Variants in TPTE2 observed in about 807,000 individuals in gnomAD.
The protein encoded by TPTE2 is transmembrane phosphoinositide 3-phosphatase and tensin homolog 2.
In TPTE2, 53 loss-of-function variants were observed where a neutral mutation model predicts 78.6. That is an observed-to-expected ratio of 0.67 (90% CI 0.54 to 0.85). The LOEUF is 0.85. Ranked by LOEUF, TPTE2 falls within the 40% of genes least tolerant of loss-of-function variation. The pLI is 0.00. For synonymous variants in TPTE2, 175 were observed against 206.2 expected, an observed-to-expected ratio of 0.85 and a Z score of 1.30; for missense variants, 461 against 623.0, an observed-to-expected ratio of 0.74 and a Z score of 2.77.
chr13:19,479,390 T>C (rs542673687), intron 4 of TPTE2, among the ~76,000 whole-genome samples: 6 of 152,196 alleles, frequency 3.9e-5, no homozygotes, highest in African/African-American at 1.4e-4. Context: ...CATTTAAATA[T>C]AAACATTGAT....
chr13:19,471,907 C>T (rs1188598597), intron 6 of TPTE2, among the ~76,000 whole-genome samples: 1 of 152,136 alleles, frequency 6.6e-6, no homozygotes, highest in African/African-American at 2.4e-5. Flanking sequence ...GTCTTTATTT[C>T]CCCTTCACTT....
At chr13:19,549,928 T>C in the TPTE2 span, among the ~76,000 whole-genome samples, 16,170 of 61,438 alleles carry the variant, frequency 0.26, 3,651 homozygotes, top group East Asian at 0.7. Context: ...GCATTCCTCA[T>C]TTATAAGTGG....
chr13:19,547,141 G>A, the TPTE2 span, among the ~76,000 whole-genome samples: 1 of 151,914 alleles, frequency 6.6e-6, no homozygotes, highest in East Asian at 1.9e-4. Context: ...GGAAAATATG[G>A]CAAAAGCATT....
At chr13:19,440,501 G>A (rs375676457) in intron 13 of TPTE2, among the ~76,000 whole-genome samples, 264 of 152,304 alleles carry the variant, frequency 1.7e-3, no homozygotes, top group African/African-American at 6.1e-3. Flanking sequence ...CGGATGCAGT[G>A]GCTCACATCT....
the TPTE2 span, among the ~76,000 whole-genome samples, chr13:19,543,039 C>T: frequency 0.8 from 121,197 of 151,570 alleles, 49,626 homozygotes; most frequent in East Asian, 0.96. Context: ...TTCATTGATT[C>T]TCAGTCTTTA....
At chr13:19,423,252 C>CAA in intron 19 of TPTE2, 88 bp from the exon 23 acceptor site, 3 of 953,432 alleles carry the variant, frequency 3.1e-6, no homozygotes, top group African/African-American at 1.7e-5. Flanking sequence ...CTGGAAGAAA[C>CAA]AAAAAAAAAC....
intron 1 of TPTE2, 42 bp downstream of exon 4, chr13:19,503,182 G>T: frequency 6.2e-7 from 1 of 1,612,738 alleles, no homozygotes; most frequent in Admixed American, 1.7e-5. Flanking sequence ...TCTATGCTCA[G>T]TTATAATTAG....
intron 2 of TPTE2, among the ~76,000 whole-genome samples, chr13:19,493,196 C>A (rs1323500360): frequency 1.3e-5 from 2 of 149,786 alleles, no homozygotes; most frequent in African/African-American, 4.9e-5. Context: ...AAAAAAAAAT[C>A]TCTATGGCCA....
chr13:19,498,744 C>T (rs547497420), intron 1 of TPTE2, among the ~76,000 whole-genome samples: 73 of 151,506 alleles, frequency 4.8e-4, no homozygotes, highest in African/African-American at 1.7e-3. Flanking sequence ...CATCAACTAA[C>T]GCGCAAAAAA....
chr13:19,533,027 C>G (rs772768629), intron 1 of TPTE2, among the ~76,000 whole-genome samples: 1 of 152,192 alleles, frequency 6.6e-6, no homozygotes, highest in Non-Finnish European at 1.5e-5. Context: ...CATAGCAGAG[C>G]TCAGTAAATG....
chr13:19,506,326 T>C (rs192889277), upstream of TPTE2, among the ~76,000 whole-genome samples: 70 of 150,020 alleles, frequency 4.7e-4, no homozygotes, highest in Non-Finnish European at 5.5e-4. Flanking sequence ...CGCCCGCCAC[T>C]ACGCCCGGCT....
the TPTE2 span, among the ~76,000 whole-genome samples, chr13:19,542,649 G>A: frequency 1.3e-5 from 2 of 152,016 alleles, no homozygotes; most frequent in African/African-American, 4.8e-5. Context: ...GGGGGGTAAT[G>A]GGGGTTCATC....
chr13:19,538,260 A>G (rs186880235), upstream of TPTE2, among the ~76,000 whole-genome samples: 124 of 151,916 alleles, frequency 8.2e-4, 3 homozygotes, highest in East Asian at 0.02. Flanking sequence ...TCACTCTGTC[A>G]CCCAGGCTGG....
chr13:19,441,100 AAT>A (rs1877465042), intron 13 of TPTE2, among the ~76,000 whole-genome samples: 1 of 152,066 alleles, frequency 6.6e-6, no homozygotes, highest in African/African-American at 2.4e-5. Flanking sequence ...AAAAAAAAAA[AAT>A]AATTTCCTTT....
chr13:19,497,223 A>G (rs1593398602), intron 1 of TPTE2, among the ~76,000 whole-genome samples: 1 of 147,672 alleles, frequency 6.8e-6, no homozygotes, highest in Non-Finnish European at 1.5e-5. Context: ...AGGCTGGGGG[A>G]GGGGCGCCCG....
intron 10 of TPTE2, among the ~76,000 whole-genome samples, chr13:19,463,265 A>T (rs536804319): frequency 8.6e-5 from 13 of 152,024 alleles, no homozygotes; most frequent in African/African-American, 3.1e-4. Context: ...ACAGGTGTGA[A>T]CCACTGCACC....
intron 6 of TPTE2, among the ~76,000 whole-genome samples, chr13:19,471,454 G>C (rs1384052480): frequency 6.6e-6 from 1 of 151,602 alleles, no homozygotes; most frequent in Admixed American, 6.6e-5. Context: ...TATGTTTTTT[G>C]GTTTGAGGTT....
At chr13:19,499,449 C>G (rs1881617318) in intron 1 of TPTE2, among the ~76,000 whole-genome samples, 1 of 145,364 alleles carries the variant, frequency 6.9e-6, no homozygotes, top group Non-Finnish European at 1.5e-5. Context: ...AACAAACTAT[C>G]TCTCAGACCA....
chr13:19,451,843 G>GTA (rs374568647), intron 10 of TPTE2, among the ~76,000 whole-genome samples: 68,419 of 146,710 alleles, frequency 0.47, 18,233 homozygotes, highest in South Asian at 0.59. Flanking sequence ...GTGTGTGTGT[G>GTA]TATATATGTA....
Sources: gnomAD v4.1 joint callset for allele counts (sites outside exome capture counted in the v4.1 genomes callset) on GRCh38, gnomAD v4.1.1 for gene constraint, MANE v1.5 for transcripts, NCBI Gene and HGNC (gene_info 2026-07-23, HGNC 2026-07-21) for gene names.